Variants in SATL1 observed in about 807,000 individuals in gnomAD.
SATL1 encodes spermidine/spermine N(1)-acetyltransferase-like protein 1.
In SATL1, 47 loss-of-function variants were observed where a neutral mutation model predicts 51.8. That is an observed-to-expected ratio of 0.91 (90% CI 0.72 to 1.16). The LOEUF (loss-of-function observed/expected upper bound fraction) is 1.16. Among genes scored for constraint, SATL1 ranks in the 50% most tolerant of loss-of-function variants. The probability of loss-of-function intolerance (pLI) is 0.00; values close to 1 mark genes in which losing one functional copy is unlikely to be tolerated. For synonymous variants in SATL1, 176 were observed against 182.4 expected (o/e 0.97, Z 0.28); for missense variants, 520 against 526.4 (o/e 0.99, Z 0.12).
intron 2 of SATL1, chrX:85,207,773 T>A (rs938710060): frequency 3.5e-5 from 4 of 112,967 alleles, no homozygotes; most frequent in African/African-American, 1.3e-4. Context: ...AAGTTAAATT[T>A]CTTTTGATGA....
chrX:85,107,923 G>C lies in SATL1; in HGVS notation c.1046C>G (p.Pro349Arg). 1.7e-6 allele frequency: 2 copies of C among 1,210,826 alleles called. No individual in the cohort carries two copies. The highest frequency in any genetic ancestry group is 2.2e-6 in the Non-Finnish European group (2 of 895,294). ...LVLSEASISQ[P>R]GPPQRAPSQS... ...GCTTGGGGCTCGTTGCGGTGGACCT[G>C]GTTGGCTTATGCTTGCTTCACTCAG... Residue 349 changes from proline (P) to arginine (R), a missense_variant, in exon 3 of 8, where the codon CCA becomes CGA. Physicochemically the swap from Pro to Arg is moderately radical, Grantham distance 103. This residue lies in a region of SATL1 where 488 missense variants were observed against 474.3 expected (regional missense o/e 1.03). Transcript: ENST00000644105.
At chrX:85,103,690 G>T (rs1924956741) in intron 4 of SATL1, among the ~76,000 whole-genome samples, 174 bp downstream of exon 4, 1 of 111,438 alleles carries the variant, frequency 9.0e-6, no homozygotes, top group East Asian at 2.8e-4. Flanking sequence ...TATCATTTTT[G>T]TACTAAAAAT....
At chrX:85,177,420 C>T (rs1927103639) in intron 2 of SATL1, among the ~76,000 whole-genome samples, 1 of 111,172 alleles carries the variant, frequency 9.0e-6, no homozygotes, top group African/African-American at 3.3e-5. Flanking sequence ...ACATTTGTTG[C>T]GAACCTCTCA....
At chrX:85,186,711 C>T (rs1392140160) in intron 2 of SATL1, among the ~76,000 whole-genome samples, 2 of 111,860 alleles carry the variant, frequency 1.8e-5, no homozygotes, top group Non-Finnish European at 3.8e-5. Flanking sequence ...TGCAGGAATC[C>T]TGGATGGGTG....
intron 2 of SATL1, among the ~76,000 whole-genome samples, chrX:85,178,056 A>T (rs1223904525): frequency 1.8e-5 from 2 of 111,583 alleles, no homozygotes; most frequent in Non-Finnish European, 3.8e-5. Context: ...CATATTTTAG[A>T]TTTCCTTAAG....
At chrX:85,167,429 A>G (rs1926867272) in intron 2 of SATL1, among the ~76,000 whole-genome samples, 1 of 111,239 alleles carries the variant, frequency 9.0e-6, no homozygotes, top group Non-Finnish European at 1.9e-5. Flanking sequence ...ATAAAAATAA[A>G]CATAATTAAA....
At chrX:85,095,578 G>A (rs1924681224) in intron 4 of SATL1, among the ~76,000 whole-genome samples, 1 of 75,027 alleles carries the variant, frequency 1.3e-5, no homozygotes, top group Non-Finnish European at 2.7e-5. Context: ...TGTAATCCCA[G>A]CACTTTGGGA....
intron 2 of SATL1, among the ~76,000 whole-genome samples, chrX:85,194,018 C>T (rs1927498725): frequency 9.0e-6 from 1 of 111,581 alleles, no homozygotes; most frequent in African/African-American, 3.3e-5. Context: ...GATTTATATT[C>T]CTCTGGGTAT....
chrX:85,213,684 T>C (rs1927976193), intron 2 of SATL1, among the ~76,000 whole-genome samples: 1 of 111,944 alleles, frequency 8.9e-6, no homozygotes. Flanking sequence ...TTAAGGATTT[T>C]GATTATGCAG....
At chrX:85,111,472 T>C (rs1230960351) in intron 2 of SATL1, among the ~76,000 whole-genome samples, 3 of 112,258 alleles carry the variant, frequency 2.7e-5, no homozygotes, top group African/African-American at 9.7e-5. Context: ...CTTTAATTGG[T>C]ACACCATCAG....
chrX:85,127,800 C>T (rs1004765907), intron 2 of SATL1, among the ~76,000 whole-genome samples: 6 of 110,514 alleles, frequency 5.4e-5, no homozygotes, highest in South Asian at 3.9e-4. Context: ...CCCCAGTTCC[C>T]CCACCCCACG....
At chrX:85,124,481 T>C (rs1925574772) in intron 2 of SATL1, among the ~76,000 whole-genome samples, 1 of 112,124 alleles carries the variant, frequency 8.9e-6, no homozygotes, top group Non-Finnish European at 1.9e-5. Context: ...AGTTTACATA[T>C]AAAGTGTTTA....
At chrX:85,192,419 G>A (rs1401295513) in intron 2 of SATL1, among the ~76,000 whole-genome samples, 2 of 110,527 alleles carry the variant, frequency 1.8e-5, no homozygotes, top group South Asian at 7.6e-4. Context: ...CCATTGTCCT[G>A]TATTCTAACC....
At chrX:85,183,290 A>G (rs1569243285) in intron 2 of SATL1, among the ~76,000 whole-genome samples, 1 of 108,228 alleles carries the variant, frequency 9.2e-6, no homozygotes, top group Non-Finnish European at 1.9e-5. Flanking sequence ...ATTCTTGTGT[A>G]TATGAATATC....
intron 2 of SATL1, among the ~76,000 whole-genome samples, chrX:85,216,815 G>A (rs1294506738): frequency 8.9e-6 from 1 of 111,891 alleles, no homozygotes; most frequent in Non-Finnish European, 1.9e-5. Flanking sequence ...AATCGATGTA[G>A]CTCATTGAGG....
intron 2 of SATL1, among the ~76,000 whole-genome samples, chrX:85,148,552 G>C (rs1400404625): frequency 9.0e-6 from 1 of 110,912 alleles, no homozygotes; most frequent in Non-Finnish European, 1.9e-5. Context: ...AAAATGTTAA[G>C]GGCAGCCAGA....
At chrX:85,193,981 T>G (rs1394626374) in intron 2 of SATL1, among the ~76,000 whole-genome samples, 1 of 111,631 alleles carries the variant, frequency 9.0e-6, no homozygotes, top group Non-Finnish European at 1.9e-5. Flanking sequence ...AATAAACGTT[T>G]GTGTGCATGG....
At chrX:85,193,051 T>G (rs1927473832) in intron 2 of SATL1, among the ~76,000 whole-genome samples, 1 of 111,946 alleles carries the variant, frequency 8.9e-6, no homozygotes, top group African/African-American at 3.2e-5. Context: ...GTTGTGGTTG[T>G]GTCTATAATG....
intron 2 of SATL1, among the ~76,000 whole-genome samples, chrX:85,143,721 T>C (rs958500672): frequency 1.8e-5 from 2 of 111,214 alleles, no homozygotes; most frequent in African/African-American, 6.5e-5. Context: ...TATTTCCTCT[T>C]AAAGATAACA....
Sources: allele counts gnomAD v4.1 joint callset (sites outside exome capture counted in the v4.1 genomes callset), GRCh38; gene constraint gnomAD v4.1.1; regional missense constraint gnomAD v4.1.1; transcripts MANE v1.5; gene names NCBI Gene and HGNC (gene_info 2026-07-23, HGNC 2026-07-21).